CTNNA3: variants seen among roughly 807,000 people sequenced by gnomAD.
CTNNA3 encodes catenin alpha 3, also known as catenin alpha-3.
CTNNA3 carries 76 observed loss-of-function variants against 95.7 expected under a neutral mutation model. That is an observed-to-expected ratio of 0.79 (90% CI 0.66 to 0.96). CTNNA3 has a LOEUF of 0.96. CTNNA3 is among the 40% of genes least tolerant of loss of function. The pLI is 0.00. For synonymous variants in CTNNA3, 431 were observed against 374.4 expected (o/e 1.15, Z -1.74); for missense variants, 1,191 against 1,089.8 (o/e 1.09, Z -1.31).
intron 13 of CTNNA3, among the ~76,000 whole-genome samples, chr10:66,218,199 T>C (rs2088679607): frequency 2.0e-5 from 3 of 152,204 alleles, no homozygotes; most frequent in Admixed American, 2.0e-4. Context: ...GACAAGAACC[T>C]GTTTTTTTCT....
At chr10:66,875,058 C>G (rs999842887) in intron 7 of CTNNA3, among the ~76,000 whole-genome samples, 1 of 152,084 alleles carries the variant, frequency 6.6e-6, no homozygotes, top group Non-Finnish European at 1.5e-5. Context: ...TTAGATGCAG[C>G]CAGGGAGATC....
At chr10:66,597,547 T>TATATAC (rs1564558035) in intron 10 of CTNNA3, among the ~76,000 whole-genome samples, 1 of 130,930 alleles carries the variant, frequency 7.6e-6, no homozygotes, top group East Asian at 2.4e-4. Context: ...TATATATATA[T>TATATAC]ATATATATTT....
intron 9 of CTNNA3, among the ~76,000 whole-genome samples, chr10:66,725,241 A>G (rs1394918802): frequency 6.6e-6 from 1 of 152,170 alleles, no homozygotes; most frequent in Non-Finnish European, 1.5e-5. Flanking sequence ...GAACCCATAG[A>G]TACTAAGGGC....
At position 66,862,770 on chromosome 10, in the gene CTNNA3, T is replaced by C. The variant is rs536910232; in HGVS notation, c.1048-87246A>G. Among the ~76,000 whole-genome samples, 16 of 152,304 alleles carry C rather than the reference T, an allele frequency of 1.1e-4. No individual in the cohort carries two copies. The South Asian group carries it at 3.3e-3, about 32-fold the overall frequency. The stretch of plus-strand genomic sequence containing the variant: ...TGGTTCCCAGCTGTTTGATCAAATA[T>C]CATTCTGAGCATTTCTGTGAAGGTG... On this transcript the variant is annotated intron_variant, in intron 7 of 17. Coordinates refer to ENST00000433211, the MANE Select transcript of CTNNA3 (RefSeq NM_013266.4).
intron 11 of CTNNA3, among the ~76,000 whole-genome samples, chr10:66,516,044 A>G (rs906702996): frequency 1.5e-5 from 2 of 137,360 alleles, no homozygotes; most frequent in African/African-American, 2.8e-5. Flanking sequence ...ACAGCTATTC[A>G]AACTATGATT....
intron 11 of CTNNA3, among the ~76,000 whole-genome samples, chr10:66,473,505 C>G (rs1032175121): frequency 6.6e-6 from 1 of 151,832 alleles, no homozygotes; most frequent in Non-Finnish European, 1.5e-5. Flanking sequence ...TATCCAGTCT[C>G]AGGTATTTCT....
At chr10:67,016,897 T>C (rs769816540) in intron 7 of CTNNA3, among the ~76,000 whole-genome samples, 12 of 152,216 alleles carry the variant, frequency 7.9e-5, no homozygotes, top group Non-Finnish European at 1.8e-4. Flanking sequence ...ACGAATATTT[T>C]ATATCCTATC....
At chr10:67,548,996 C>T (rs1408579727) in intron 3 of CTNNA3, among the ~76,000 whole-genome samples, 1 of 152,018 alleles carries the variant, frequency 6.6e-6, no homozygotes, top group Non-Finnish European at 1.5e-5. Flanking sequence ...TCAATAAGCA[C>T]ATAAAATGAC....
chr10:67,561,724 A>G (rs1841515893), intron 3 of CTNNA3, among the ~76,000 whole-genome samples: 1 of 152,106 alleles, frequency 6.6e-6, no homozygotes, highest in Admixed American at 6.6e-5. Flanking sequence ...AGGATCAACA[A>G]AATTGATAGA....
chr10:66,378,666 A>C (rs2092812859), intron 12 of CTNNA3, among the ~76,000 whole-genome samples: 1 of 152,212 alleles, frequency 6.6e-6, no homozygotes. Flanking sequence ...TTTCTTATGC[A>C]ATCAAAGAAG....
intron 6 of CTNNA3, among the ~76,000 whole-genome samples, chr10:67,199,528 C>T (rs1273354259): frequency 6.6e-6 from 1 of 152,072 alleles, no homozygotes; most frequent in African/African-American, 2.4e-5. Context: ...TGCCACCACG[C>T]CTGGCTAATT....
In CTNNA3 at chr10:66,015,120, TAATAA is replaced by T. The variant is rs991940248; in HGVS notation, c.2160-26328_2160-26324del. ...CTGTCTCAAAAAATAATAATAATAA[TAATAA>T]AATAAAATAAAATAAACTTTTTGAT... On this transcript the variant is annotated intron_variant, in intron 15 of 17. Transcript: ENST00000433211. Among the ~76,000 whole-genome samples the T allele has an allele frequency of 7.3e-5, 11 of 151,356 alleles. No homozygotes were observed. The East Asian group carries it at 9.7e-4, about 13-fold the overall frequency.
At chr10:67,627,852 T>C (rs1839009310) in intron 2 of CTNNA3, among the ~76,000 whole-genome samples, 1 of 151,834 alleles carries the variant, frequency 6.6e-6, no homozygotes, top group Non-Finnish European at 1.5e-5. Flanking sequence ...ATAATTAGTA[T>C]ATAATTAAAA....
chr10:66,811,403 T>A (rs189810877), intron 7 of CTNNA3, among the ~76,000 whole-genome samples: 1 of 152,288 alleles, frequency 6.6e-6, no homozygotes, highest in Admixed American at 6.5e-5. Context: ...GATCATGGAA[T>A]GAAGAGCCAA....
intron 7 of CTNNA3, among the ~76,000 whole-genome samples, chr10:67,141,896 G>A (rs1019732889): frequency 6.6e-6 from 1 of 151,810 alleles, no homozygotes; most frequent in East Asian, 1.9e-4. Flanking sequence ...TAAAACCTAG[G>A]CCCCAAGCCA....
intron 7 of CTNNA3, among the ~76,000 whole-genome samples, chr10:67,120,366 G>C (rs552300895): frequency 2.0e-5 from 3 of 151,950 alleles, no homozygotes; most frequent in African/African-American, 7.2e-5. Flanking sequence ...GCTTCCTTTG[G>C]TGAAGCAAGA....
At chr10:66,558,446 C>T (rs1842456074) in intron 10 of CTNNA3, among the ~76,000 whole-genome samples, 1 of 152,046 alleles carries the variant, frequency 6.6e-6, no homozygotes, top group African/African-American at 2.4e-5. Context: ...TATTGGAAAT[C>T]TTTGACACTT....
At chr10:67,609,735 T>A (rs1010147280) in intron 2 of CTNNA3, among the ~76,000 whole-genome samples, 7 of 152,260 alleles carry the variant, frequency 4.6e-5, no homozygotes, top group African/African-American at 1.7e-4. Context: ...ATTTCATGTA[T>A]ATTTTCTAGT....
In CTNNA3 at chr10:66,929,919, C is replaced by A. The variant is rs572983495; in HGVS notation, c.1048-154395G>T. Among the ~76,000 whole-genome samples the A allele has an allele frequency of 1.4e-4, 22 of 152,230 alleles. No individual in the cohort carries two copies. In the South Asian group the frequency reaches 4.6e-3, roughly 32 times the overall value. The stretch of plus-strand genomic sequence containing the variant: ...AAAATGAACAGTTCTATTATAGAAG[C>A]AAATATCAGGAACTGCAACATTGAG... On this transcript the variant is annotated intron_variant, in intron 7 of 17. Coordinates refer to ENST00000433211, the MANE Select transcript of CTNNA3 (RefSeq NM_013266.4).
Sources: gnomAD v4.1 joint callset for allele counts (sites outside exome capture counted in the v4.1 genomes callset) on GRCh38, gnomAD v4.1.1 for gene constraint, MANE v1.5 for transcripts, NCBI Gene and HGNC (gene_info 2026-07-23, HGNC 2026-07-21) for gene names.